IL6ST: variants seen among roughly 807,000 people sequenced by gnomAD.
The protein encoded by IL6ST is interleukin-6 receptor subunit beta.
IL6ST carries 24 observed loss-of-function variants against 91.3 expected under a neutral mutation model. The ratio of observed to expected loss-of-function variants is 0.26; its 90% CI spans 0.19 to 0.37. IL6ST has a LOEUF of 0.37. Ranked by LOEUF, IL6ST falls within the 10% of genes least tolerant of loss-of-function variation. The pLI, the probability that IL6ST is intolerant of heterozygous loss-of-function variation, is 1.00. For missense variants in IL6ST, 914 were observed against 1,078.5 expected, an observed-to-expected ratio of 0.85 and a Z score of 2.14; for synonymous variants, 351 against 373.6, an observed-to-expected ratio of 0.94 and a Z score of 0.70.
rs57519121 is a variant in IL6ST, at chr5:55,940,029, TA to T, written c.*1052del. On this transcript the variant is annotated 3_prime_UTR_variant, in exon 17 of 17. Coordinates refer to ENST00000381298, the MANE Select transcript of IL6ST (RefSeq NM_002184.4). ...AAATCTTTGCCTACTTATTTAAAAATAAAAAAAATACTCAAAACAAATTTAA... is the reference window on the plus strand; with the variant it reads ...AAATCTTTGCCTACTTATTTAAAAATAAAAAAATACTCAAAACAAATTTAA... 24 of 197,282 alleles carry T rather than the reference TA, an allele frequency of 1.2e-4. No individual in the cohort carries two copies. Among genetic ancestry groups the T allele is most frequent in the South Asian group, 7.7e-4 (4 of 5,184 alleles). The allele number at this position is 197,282 out of a possible 1,614,324, so 12.2% of individuals were successfully genotyped here. A position where few individuals can be genotyped will look rare whatever the true frequency, so the allele number is the denominator to read the frequency against.
At chr5:55,990,562 G>C (rs1297525808) in intron 1 of IL6ST, among the ~76,000 whole-genome samples, 2 of 152,150 alleles carry the variant, frequency 1.3e-5, no homozygotes, top group Admixed American at 1.3e-4. Context: ...TTGAAGACAT[G>C]ACTTCAACTA....
At chr5:55,985,004 T>C (rs986387842) in intron 1 of IL6ST, among the ~76,000 whole-genome samples, 1 of 152,226 alleles carries the variant, frequency 6.6e-6, no homozygotes, top group East Asian at 1.9e-4. Context: ...TGTTCAAACA[T>C]ATTGATCAAC....
At chr5:55,979,169 A>C (rs1431489786) in intron 2 of IL6ST, among the ~76,000 whole-genome samples, 1 of 152,144 alleles carries the variant, frequency 6.6e-6, no homozygotes, top group Non-Finnish European at 1.5e-5. Flanking sequence ...AGGGGGAAGA[A>C]TTGCTTGAGG....
intron 3 of IL6ST, among the ~76,000 whole-genome samples, chr5:55,975,085 T>C (rs1242974637): frequency 6.6e-6 from 1 of 151,704 alleles, no homozygotes; most frequent in East Asian, 2.0e-4. Flanking sequence ...CCAGGGCTCA[T>C]GATTCTCCTG....
At chr5:55,957,827 G>GA (rs563747930) in intron 8 of IL6ST, among the ~76,000 whole-genome samples, 7 of 150,646 alleles carry the variant, frequency 4.6e-5, no homozygotes, top group African/African-American at 1.5e-4. Context: ...ATTTTTTAAA[G>GA]AAAAAAACTT....
intron 5 of IL6ST, among the ~76,000 whole-genome samples, chr5:55,965,632 T>C (rs1373559810): frequency 6.6e-6 from 1 of 151,810 alleles, no homozygotes; most frequent in African/African-American, 2.4e-5. Flanking sequence ...GGTGAGGAAA[T>C]ACATGATGAC....
chr5:55,936,943 A>C lies in IL6ST; in HGVS notation c.*4139T>G, dbSNP rs1415303834. The C allele has an allele frequency of 5.0e-6, 1 of 201,968 alleles. No individual in the cohort carries two copies. The highest frequency in any genetic ancestry group is 7.6e-5 in the East Asian group (1 of 13,156). 12.5% of individuals were successfully genotyped at this position (201,968 alleles called of 1,614,324 possible). ...ATACCTAATGCTAGTCAGTCACTGC[A>C]TTGTCCTACTAGCAAATTGCACATT... On this transcript the variant is annotated 3_prime_UTR_variant, in exon 17 of 17. Transcript: ENST00000381298.
intron 3 of IL6ST, among the ~76,000 whole-genome samples, chr5:55,971,444 TTTAAA>T (rs145937387): frequency 1.6e-3 from 238 of 152,384 alleles, no homozygotes; most frequent in East Asian, 0.014. Flanking sequence ...ATTTGTCTAC[TTTAAA>T]TTATTTAGTG....
At chr5:55,945,928 C>T (rs376803730) in intron 15 of IL6ST, among the ~76,000 whole-genome samples, 6 of 151,886 alleles carry the variant, frequency 4.0e-5, no homozygotes, top group South Asian at 4.2e-4. Flanking sequence ...GGATTACAGG[C>T]GTAAAACTTC....
chr5:55,986,373 G>A (rs1753970902), intron 1 of IL6ST, among the ~76,000 whole-genome samples: 1 of 152,072 alleles, frequency 6.6e-6, no homozygotes, highest in African/African-American at 2.4e-5. Context: ...AATCTACTTT[G>A]ATATTACTAT....
intron 8 of IL6ST, among the ~76,000 whole-genome samples, chr5:55,959,267 AG>A: frequency 6.6e-6 from 1 of 152,342 alleles, no homozygotes; most frequent in Middle Eastern, 3.4e-3. Context: ...CAGCAGCAAT[AG>A]CAAAATTGAT....
chr5:55,992,955 C>T (rs943316275), intron 1 of IL6ST, among the ~76,000 whole-genome samples: 3 of 152,196 alleles, frequency 2.0e-5, no homozygotes, highest in African/African-American at 7.2e-5. Context: ...TCTCCTGCAC[C>T]TTTGTGAGTT....
chr5:55,987,412 G>A (rs1222659554), intron 1 of IL6ST, among the ~76,000 whole-genome samples: 1 of 152,132 alleles, frequency 6.6e-6, no homozygotes, highest in African/African-American at 2.4e-5. Flanking sequence ...CAGACCAAAG[G>A]AAAATGACAG....
rs1009170546 is a variant in IL6ST at position 55,960,669 on chromosome 5, C to G, written c.814-108G>C. On this transcript the variant is annotated intron_variant, in intron 7 of 16. Coordinates refer to ENST00000381298, the MANE Select transcript of IL6ST (RefSeq NM_002184.4). Reference sequence around the variant, plus strand: ...TTGAGGCACAGCCTTGCTCTGTTGCCCAGGTTGGAGTGCAGTGGTGCGATC... The same window carrying G: ...TTGAGGCACAGCCTTGCTCTGTTGCGCAGGTTGGAGTGCAGTGGTGCGATC... 1.6e-5 allele frequency: 17 copies of G among 1,066,926 alleles called. No individual in the cohort carries two copies. In the African/African-American group the frequency reaches 1.6e-4, roughly 10 times the overall value. 66.1% of individuals were successfully genotyped at this position (1,066,926 alleles called of 1,614,324 possible).
chr5:55,944,416 AAGAATT>A (rs1751112509), intron 15 of IL6ST, among the ~76,000 whole-genome samples: 1 of 152,350 alleles, frequency 6.6e-6, no homozygotes, highest in East Asian at 1.9e-4. Flanking sequence ...TCTATATACT[AAGAATT>A]AGAAAATATT....
chr5:55,962,388 A>G (rs2111759713), intron 7 of IL6ST, among the ~76,000 whole-genome samples: 1 of 152,338 alleles, frequency 6.6e-6, no homozygotes, highest in South Asian at 2.1e-4. Flanking sequence ...AGAGAAGAGT[A>G]TGGATAGCTG....
At chr5:55,991,519 A>G (rs1469044355) in intron 1 of IL6ST, among the ~76,000 whole-genome samples, 1 of 151,806 alleles carries the variant, frequency 6.6e-6, no homozygotes, top group Non-Finnish European at 1.5e-5. Context: ...AATAATTTCA[A>G]CTGTGTTCCT....
intron 3 of IL6ST, among the ~76,000 whole-genome samples, chr5:55,974,934 C>CAT (rs1753187766): frequency 7.3e-6 from 1 of 137,588 alleles, no homozygotes; most frequent in African/African-American, 2.6e-5. Context: ...TAGTATTATT[C>CAT]ATACACACAC....
At chr5:55,946,937 G>A (rs1470680823) in intron 15 of IL6ST, among the ~76,000 whole-genome samples, 2 of 151,904 alleles carry the variant, frequency 1.3e-5, no homozygotes, top group Non-Finnish European at 2.9e-5. Flanking sequence ...TCTTGGCCGT[G>A]GCTCACACCT....
Sources: allele counts gnomAD v4.1 joint callset (sites outside exome capture counted in the v4.1 genomes callset), GRCh38; gene constraint gnomAD v4.1.1; transcripts MANE v1.5; gene names NCBI Gene and HGNC (gene_info 2026-07-23, HGNC 2026-07-21).